Variants in LAMB4 observed in about 807,000 individuals in gnomAD.
LAMB4 encodes laminin subunit beta 4.
In LAMB4, 196 loss-of-function variants were observed where a neutral mutation model predicts 199.2. That is an observed-to-expected ratio of 0.98 (90% confidence interval 0.88 to 1.11). The LOEUF (loss-of-function observed/expected upper bound fraction) is 1.11. Ranked by LOEUF, LAMB4 falls within the 50% of genes least tolerant of loss-of-function variation. LAMB4 has a pLI of 0.00. For missense variants in LAMB4, 2,080 were observed against 2,171.2 expected, an observed-to-expected ratio of 0.96 and a Z score of 0.83; for synonymous variants, 744 against 770.6, an observed-to-expected ratio of 0.97 and a Z score of 0.57.
chr7:108,055,864 A>G lies in LAMB4; in HGVS notation c.3523T>C (p.Cys1175Arg). ...TCCCACTGATCAAAGCACAAGTGACATTGAAGACAAGTAGGGAATTCCTGG... is the reference window on the plus strand; with the variant it reads ...TCCCACTGATCAAAGCACAAGTGACGTTGAAGACAAGTAGGGAATTCCTGG... ...HSQEFPTCLQ[C>R]HLCFDQWDHT... Residue 1175 changes from cysteine (C) to arginine (R), a missense_variant, in exon 25 of 34, where the codon TGT becomes CGT. Coordinates refer to ENST00000388781, the MANE Select transcript of LAMB4 (RefSeq NM_007356.3). 6.2e-7 allele frequency: 1 copy of G among 1,614,192 alleles called. No homozygotes were observed. Among genetic ancestry groups the G allele is most frequent in the African/African-American group, 1.3e-5 (1 of 75,052 alleles).
chr7:108,029,212 C>T lies in LAMB4; in HGVS notation c.4993-16G>A. 1 of 1,607,184 alleles carries T rather than the reference C, an allele frequency of 6.2e-7. No individual in the cohort carries two copies. Among genetic ancestry groups the T allele is most frequent in the Non-Finnish European group, 8.5e-7 (1 of 1,177,182 alleles). ...CAACAAATTCCTGTAACAAGCAACACTTGCATCATGAGAAAATATGTATAA... is the reference window on the plus strand; with the variant it reads ...CAACAAATTCCTGTAACAAGCAACATTTGCATCATGAGAAAATATGTATAA... On this transcript the variant is annotated splice_polypyrimidine_tract_variant and intron_variant, in intron 32 of 33. Transcript: ENST00000388781.
intron 30 of LAMB4, 109 bp downstream of exon 30, chr7:108,037,279 A>G: frequency 1.2e-6 from 1 of 845,152 alleles, no homozygotes; most frequent in South Asian, 1.7e-5. Context: ...CTGAACTATC[A>G]GAAGGTAATT....
intron 4 of LAMB4, among the ~76,000 whole-genome samples, chr7:108,109,848 C>T (rs564338010): frequency 5.3e-5 from 8 of 152,126 alleles, no homozygotes; most frequent in African/African-American, 1.9e-4. Context: ...CTAACCTGGA[C>T]ACAAAAGAAG....
At chr7:108,044,955 C>CAAAAAAAAAAAAAA (rs756256335) in intron 28 of LAMB4, among the ~76,000 whole-genome samples, 5 of 56,536 alleles carry the variant, frequency 8.8e-5, no homozygotes, top group East Asian at 4.7e-4. Flanking sequence ...ATTCTTGTCT[C>CAAAAAAAAAAAAAA]AAAAAAAAAA....
the LAMB4 span, among the ~76,000 whole-genome samples, chr7:108,011,837 A>AT: frequency 6.6e-6 from 1 of 151,720 alleles, no homozygotes; most frequent in South Asian, 2.1e-4. Context: ...GTTGAAAAAC[A>AT]TAATTTCTAA....
At chr7:108,110,911 G>A (rs1039764575) in intron 4 of LAMB4, among the ~76,000 whole-genome samples, 1 of 152,116 alleles carries the variant, frequency 6.6e-6, no homozygotes, top group African/African-American at 2.4e-5. Context: ...TCTTATGCTT[G>A]CCCTAAACTA....
chr7:108,040,949 A>G (rs991328420), intron 29 of LAMB4, among the ~76,000 whole-genome samples: 4 of 152,208 alleles, frequency 2.6e-5, no homozygotes, highest in African/African-American at 9.6e-5. Flanking sequence ...AAAAGAAACT[A>G]TCAACAGAGT....
intron 1 of LAMB4, 42 bp downstream of exon 1, chr7:108,130,264 T>TA (rs1251331516): frequency 6.6e-6 from 1 of 152,182 alleles, no homozygotes; most frequent in East Asian, 1.9e-4. Context: ...ATTTAATCCA[T>TA]AAAAATGCCA....
At chr7:108,114,779 G>C (rs1310196851) in intron 3 of LAMB4, among the ~76,000 whole-genome samples, 1 of 152,160 alleles carries the variant, frequency 6.6e-6, no homozygotes, top group Non-Finnish European at 1.5e-5. Flanking sequence ...TTATGGGGTG[G>C]ACGTGATTAC....
intron 11 of LAMB4, among the ~76,000 whole-genome samples, chr7:108,095,747 AG>A (rs1168177806): frequency 1.3e-5 from 2 of 152,098 alleles, no homozygotes; most frequent in African/African-American, 4.8e-5. Context: ...TCTCTCCTTT[AG>A]TACTTTGTTA....
chr7:108,014,248 A>G, the LAMB4 span, among the ~76,000 whole-genome samples: 5 of 152,312 alleles, frequency 3.3e-5, no homozygotes, highest in Middle Eastern at 3.4e-3. Flanking sequence ...CTGGCCAGCT[A>G]AAACTGGGAA....
At chr7:108,089,154 T>C (rs936854356) in intron 14 of LAMB4, among the ~76,000 whole-genome samples, 5 of 152,156 alleles carry the variant, frequency 3.3e-5, no homozygotes, top group African/African-American at 7.2e-5. Flanking sequence ...GGACCCCCTG[T>C]ATGTAAGTTC....
chr7:108,033,735 A>ATTTT (rs556578520), intron 31 of LAMB4, among the ~76,000 whole-genome samples: 11 of 102,050 alleles, frequency 1.1e-4, no homozygotes, highest in African/African-American at 3.3e-4. Flanking sequence ...TTGGATGAGT[A>ATTTT]TTTTTTTTTT....
intron 28 of LAMB4, among the ~76,000 whole-genome samples, chr7:108,046,171 C>T (rs1471074055): frequency 6.6e-6 from 1 of 151,838 alleles, no homozygotes; most frequent in African/African-American, 2.4e-5. Flanking sequence ...CGGGTCCCAG[C>T]AATTCTCCTG....
chr7:108,049,493 A>T lies in LAMB4; in HGVS notation c.3955T>A (p.Ser1319Thr). ...TCATTAATTTTCTTTTCAGCAGATG[A>T]TGATATGTGATAATATTTCTTGATG... is the stretch of plus-strand genomic sequence containing the variant. ...ENIKKYYHIS[S>T]SAEKKINETS... The change falls in exon 27 of 34, where the codon TCA becomes ACA. Residue 1319 changes from serine (S) to threonine (T), a missense_variant. Transcript: ENST00000388781. 6.2e-7 allele frequency: 1 copy of T among 1,606,260 alleles called. No individual in the cohort carries two copies. The highest frequency in any genetic ancestry group is 8.5e-7 in the Non-Finnish European group (1 of 1,174,204).
chr7:108,058,405 G>T (rs1291344792), intron 23 of LAMB4, among the ~76,000 whole-genome samples: 1 of 152,298 alleles, frequency 6.6e-6, no homozygotes, highest in South Asian at 2.1e-4. Context: ...TGTACTTCAG[G>T]CTTAATGATT....
At chr7:108,090,190 G>A (rs1277316586) in intron 14 of LAMB4, among the ~76,000 whole-genome samples, 1 of 152,172 alleles carries the variant, frequency 6.6e-6, no homozygotes, top group Non-Finnish European at 1.5e-5. Flanking sequence ...TACAGCAACA[G>A]TAACAGCATA....
At chr7:108,070,647 A>G (rs2036501588) in intron 17 of LAMB4, among the ~76,000 whole-genome samples, 1 of 152,190 alleles carries the variant, frequency 6.6e-6, no homozygotes, top group East Asian at 1.9e-4. Context: ...AGTTTACTTT[A>G]TTGTAGGATA....
chr7:108,024,739 A>ATCCATCCATCCG (rs1326505021), intron 33 of LAMB4, among the ~76,000 whole-genome samples: 2 of 151,896 alleles, frequency 1.3e-5, no homozygotes, highest in African/African-American at 4.8e-5. Flanking sequence ...CCATCCATCC[A>ATCCATCCATCCG]TCCGTCCGTC....
Sources: allele counts gnomAD v4.1 joint callset (sites outside exome capture counted in the v4.1 genomes callset), GRCh38; gene constraint gnomAD v4.1.1; transcripts MANE v1.5; gene names NCBI Gene and HGNC (gene_info 2026-07-23, HGNC 2026-07-21).